The following TMEM45A variants were observed in gnomAD, a reference collection of about 807,000 sequenced individuals.
TMEM45A encodes the protein DNA polymerase-transactivated protein 4.
A neutral mutation model predicts 32.0 loss-of-function variants in TMEM45A; 25 were observed. The observed-to-expected ratio is 0.78, with a 90% CI of 0.57 to 1.09. TMEM45A has a LOEUF of 1.09. Among genes scored for constraint, TMEM45A ranks in the 50% least tolerant of loss-of-function variants. The pLI, the probability that TMEM45A is intolerant of heterozygous loss-of-function variation, is 0.00. For synonymous variants in TMEM45A, 122 were observed against 114.8 expected, an observed-to-expected ratio of 1.06 and a Z score of -0.40; for missense variants, 302 against 325.0, an observed-to-expected ratio of 0.93 and a Z score of 0.54.
At chr3:100,542,471 TA>T (rs1705903992) in intron 1 of TMEM45A, among the ~76,000 whole-genome samples, 1 of 152,162 alleles carries the variant, frequency 6.6e-6, no homozygotes. Context: ...CTAATTAAAC[TA>T]AAGATCTTCT....
chr3:100,572,306 A>G (rs1024909272), intron 5 of TMEM45A: 39 of 152,002 alleles, frequency 2.6e-4, no homozygotes, highest in African/African-American at 9.2e-4. Context: ...CTGGTGTGAG[A>G]TGGTATCTCA....
intron 1 of TMEM45A, among the ~76,000 whole-genome samples, chr3:100,496,624 G>T (rs1468796259): frequency 6.6e-6 from 1 of 152,182 alleles, no homozygotes; most frequent in Non-Finnish European, 1.5e-5. Context: ...TGCCTGGCGG[G>T]GGCCAGAATA....
intron 1 of TMEM45A, among the ~76,000 whole-genome samples, chr3:100,513,213 G>A (rs921887249): frequency 1.1e-4 from 16 of 151,468 alleles, no homozygotes; most frequent in African/African-American, 3.9e-4. Context: ...GAACATCGAT[G>A]CAAAAATCCT....
intron 1 of TMEM45A, among the ~76,000 whole-genome samples, chr3:100,508,093 A>C (rs1250213828): frequency 6.6e-6 from 1 of 152,058 alleles, no homozygotes; most frequent in Non-Finnish European, 1.5e-5. Context: ...GAGACTCCTC[A>C]GTGCAGGAAA....
intron 1 of TMEM45A, among the ~76,000 whole-genome samples, chr3:100,515,160 A>G (rs1215399046): frequency 2.6e-5 from 4 of 151,958 alleles, no homozygotes; most frequent in South Asian, 2.1e-4. Context: ...TCATGCTGCT[A>G]TAAAGACACA....
intron 1 of TMEM45A, among the ~76,000 whole-genome samples, chr3:100,512,561 G>C (rs375208139): frequency 6.6e-6 from 1 of 151,936 alleles, no homozygotes; most frequent in African/African-American, 2.4e-5. Flanking sequence ...CACAATTAAA[G>C]GAACTAGAAA....
chr3:100,503,538 G>T (rs1708035832), intron 1 of TMEM45A, among the ~76,000 whole-genome samples: 1 of 152,198 alleles, frequency 6.6e-6, no homozygotes, highest in African/African-American at 2.4e-5. Flanking sequence ...TTCCTCAACA[G>T]AAAATTGGGC....
chr3:100,540,635 T>G, intron 1 of TMEM45A, among the ~76,000 whole-genome samples: 1 of 152,204 alleles, frequency 6.6e-6, no homozygotes, highest in East Asian at 1.9e-4. Flanking sequence ...TTTGGCAGTG[T>G]CTTACAAAGA....
chr3:100,556,955 A>G lies in TMEM45A; in HGVS notation c.386A>G (p.Asn129Ser). ...PVSLTKLMLS[N>S]ALFVEAFIFY... ...TCCTTAACCAAGTTAATGTTGTCAA[A>G]TGCCTTATTTGTGGAGGGTAAGTGT... Residue 129 changes from asparagine (N) to serine (S), a missense_variant, in exon 3 of 6, where the codon AAT becomes AGT. Coordinates refer to ENST00000323523, the MANE Select transcript of TMEM45A (RefSeq NM_018004.3). The G allele has an allele frequency of 6.2e-7, 1 of 1,614,178 alleles. No homozygotes were observed. The highest frequency in any genetic ancestry group is 2.2e-5 in the East Asian group (1 of 44,888).
chr3:100,538,219 A>G lies in TMEM45A; in HGVS notation c.-3-16990A>G, dbSNP rs1705781669. ...GCAGAGAGATGTATATCCCTATCATATCCCATCTTTGCTCAAAAATATTCT... is the reference window on the plus strand; with the variant it reads ...GCAGAGAGATGTATATCCCTATCATGTCCCATCTTTGCTCAAAAATATTCT... On this transcript the variant is annotated intron_variant, in intron 1 of 5. Transcript: ENST00000323523. 4.6e-5 allele frequency among the ~76,000 whole-genome samples: 7 copies of G among 152,228 alleles called. No individual in the cohort carries two copies. In the South Asian group the frequency reaches 1.5e-3, roughly 32 times the overall value.
At chr3:100,504,078 T>C (rs1007925674) in intron 1 of TMEM45A, among the ~76,000 whole-genome samples, 1 of 152,086 alleles carries the variant, frequency 6.6e-6, no homozygotes, top group African/African-American at 2.4e-5. Context: ...CCTCTTACTG[T>C]CCATTTGTGA....
chr3:100,503,064 TCTC>T (rs897806635), intron 1 of TMEM45A, among the ~76,000 whole-genome samples: 46 of 150,798 alleles, frequency 3.1e-4, no homozygotes, highest in East Asian at 7.8e-4. Flanking sequence ...CTCTCTTTCT[TCTC>T]CTCCTCCTCC....
chr3:100,535,899 T>C (rs1399943993), intron 1 of TMEM45A, among the ~76,000 whole-genome samples: 2 of 152,228 alleles, frequency 1.3e-5, no homozygotes, highest in African/African-American at 4.8e-5. Flanking sequence ...GATAAAATAG[T>C]TAACAGCTAA....
intron 1 of TMEM45A, among the ~76,000 whole-genome samples, chr3:100,511,168 T>C (rs1039876349): frequency 1.3e-5 from 2 of 151,724 alleles, no homozygotes; most frequent in Non-Finnish European, 3.0e-5. Flanking sequence ...AGACACATAA[T>C]TGTCAGATTC....
intron 1 of TMEM45A, among the ~76,000 whole-genome samples, chr3:100,499,269 A>T (rs1707977763): frequency 6.6e-6 from 1 of 152,162 alleles, no homozygotes; most frequent in Admixed American, 6.5e-5. Context: ...TGATTGCCAA[A>T]TTCAATGTCC....
intron 1 of TMEM45A, chr3:100,519,722 T>C (rs1705399128): frequency 3.7e-6 from 4 of 1,077,606 alleles, no homozygotes; most frequent in Non-Finnish European, 5.5e-6. Flanking sequence ...TATGACATTG[T>C]GCAAGTAACT....
intron 5 of TMEM45A, chr3:100,574,298 T>TA (rs956879251): frequency 4.0e-5 from 6 of 151,894 alleles, no homozygotes; most frequent in African/African-American, 1.5e-4. Flanking sequence ...ATAGACGCAA[T>TA]AAAAAATGAT....
At chr3:100,522,804 T>C (rs1331244517) in intron 1 of TMEM45A, among the ~76,000 whole-genome samples, 1 of 152,180 alleles carries the variant, frequency 6.6e-6, no homozygotes, top group South Asian at 2.1e-4. Flanking sequence ...AGACCTAGCA[T>C]AGACCACAAT....
intron 1 of TMEM45A, among the ~76,000 whole-genome samples, chr3:100,528,543 G>A (rs1381495271): frequency 6.6e-6 from 1 of 152,150 alleles, no homozygotes; most frequent in Non-Finnish European, 1.5e-5. Context: ...GGAGACTTCA[G>A]CTCACTTGGA....
Sources: gnomAD v4.1 joint callset for allele counts (sites outside exome capture counted in the v4.1 genomes callset) on GRCh38, gnomAD v4.1.1 for gene constraint, MANE v1.5 for transcripts, NCBI Gene and HGNC (gene_info 2026-07-23, HGNC 2026-07-21) for gene names.